NAT10: variants seen among roughly 807,000 people sequenced by gnomAD.
NAT10 encodes N-acetyltransferase 10.
In NAT10, 109 loss-of-function variants were observed where a neutral mutation model predicts 132.2. That is an observed-to-expected ratio of 0.82 (90% CI 0.71 to 0.97). NAT10 has a LOEUF of 0.97. Ranked by LOEUF, NAT10 falls within the 50% of genes least tolerant of loss-of-function variation. NAT10 has a pLI of 0.00. For missense variants in NAT10, 1,184 were observed against 1,263.4 expected (o/e 0.94, Z 0.95); for synonymous variants, 479 against 478.0 (o/e 1.00, Z -0.03).
chr11:34,139,400 T>G lies in NAT10; in HGVS notation c.2324T>G (p.Phe775Cys). The G allele has an allele frequency of 6.2e-7, 1 of 1,614,144 alleles. No individual in the cohort carries two copies. The highest frequency in any genetic ancestry group is 8.5e-7 in the Non-Finnish European group (1 of 1,180,016). Reference protein sequence around the residue: ...AAFWKDFRRRFLALLSYQFST... With the variant: ...AAFWKDFRRRCLALLSYQFST... ...CACCCCACAGATTTCCGACGGCGGT[T>G]CCTAGCCTTGCTCTCCTACCAGTTC... Residue 775 changes from phenylalanine to cysteine, a missense_variant, in exon 23 of 29, where the codon TTC becomes TGC. By Grantham distance (205) the Phe-to-Cys change is radical (BLOSUM62 -2). Transcript: ENST00000257829.
intron 8 of NAT10, among the ~76,000 whole-genome samples, chr11:34,120,221 TG>T (rs546898387): frequency 3.4e-4 from 51 of 152,052 alleles, no homozygotes; most frequent in African/African-American, 1.2e-3. Context: ...TGGCCTTTTT[TG>T]TATTGGTTCT....
In NAT10 at chr11:34,134,526, C is replaced by T. The variant is rs768282740; in HGVS notation, c.1851C>T (p.Asp617=). ...WTVSEQFQDP[D]FGGLSGGRVV... is the part of the protein sequence containing the mutation. ...CTCCCACACAGTTCCAAGATCCAGA[C>T]TTTGGTGGTCTGTCTGGTGGAAGGG... Residue 617 remains aspartate (D), a synonymous_variant, in exon 18 of 29, where the codon GAC becomes GAT. Transcript: ENST00000257829. The T allele has an allele frequency of 8.7e-6, 14 of 1,614,076 alleles. No individual in the cohort carries two copies. In the Admixed American group the frequency reaches 2.2e-4, roughly 25 times the overall value.
In NAT10 at chr11:34,108,778, G is replaced by A; in HGVS notation, c.145G>A (p.Val49Met). The change falls in exon 3 of 29, where the codon GTG (valine) becomes ATG (methionine). Residue 49 changes from valine to methionine, a missense_variant. Physicochemically the swap from Val to Met is conservative, Grantham distance 21. Transcript: ENST00000257829. ...ILHHMLSKAT[V>M]KARPSVLWCY... ...TCATCACATGTTATCCAAAGCAACT[G>A]TGAAGGCTCGGCCTTCAGTGCTGTG... 1 of 1,613,844 alleles carries A rather than the reference G, an allele frequency of 6.2e-7. No homozygotes were observed. Among genetic ancestry groups the A allele is most frequent in the Middle Eastern group, 1.7e-4 (1 of 6,056 alleles).
At chr11:34,123,584 G>A (rs1421657591) in intron 9 of NAT10, among the ~76,000 whole-genome samples, 178 bp from the exon 10 acceptor site, 3 of 152,240 alleles carry the variant, frequency 2.0e-5, no homozygotes, top group South Asian at 2.1e-4. Flanking sequence ...GATGTTGGTA[G>A]CTAAATGTCT....
Position 34,120,855 on chromosome 11 carries a change from C to A in NAT10, c.781-1604C>A, listed in dbSNP as rs183891493. On this transcript the variant is annotated intron_variant, in intron 8 of 28. Transcript: ENST00000257829. The stretch of plus-strand genomic sequence containing the variant: ...GGCGCTGTGGTTCTACATACAGGGG[C>A]AGGGGTGGCCTCATGTAGGAGGTGA... Among the ~76,000 whole-genome samples, 355 of 152,206 alleles carry A rather than the reference C, an allele frequency of 2.3e-3. 1 individual carries two copies. The highest frequency in any genetic ancestry group is 4.3e-3 in the Non-Finnish European group (290 of 67,982).
rs539840754 is a variant in NAT10, at chr11:34,141,456, G to A, written c.2712+248G>A. ...CACACACACACACACACACACGTGC[G>A]CGCGCAAATACAGGACTTCAGCTCT... On this transcript the variant is annotated intron_variant, in intron 25 of 28. Coordinates refer to ENST00000257829, the MANE Select transcript of NAT10 (RefSeq NM_024662.3). Among the ~76,000 whole-genome samples the A allele has an allele frequency of 1.9e-4, 28 of 148,386 alleles. No homozygotes were observed. In the East Asian group the frequency reaches 3.4e-3, roughly 18 times the overall value.
intron 8 of NAT10, among the ~76,000 whole-genome samples, chr11:34,120,315 A>G (rs1320911308): frequency 6.6e-6 from 1 of 152,152 alleles, no homozygotes; most frequent in Admixed American, 6.5e-5. Flanking sequence ...CTTCTATAAT[A>G]TAAAACAAAA....
In NAT10 at chr11:34,124,193, G is replaced by GT. The variant is rs1320450800; in HGVS notation, c.1009-108dup. The GT allele has an allele frequency of 5.4e-6, 4 of 737,878 alleles. No individual in the cohort carries two copies. The African/African-American group carries it at 7.2e-5, about 13-fold the overall frequency. The allele number at this position is 737,878 out of a possible 1,614,324, so 45.7% of individuals were successfully genotyped here. On this transcript the variant is annotated intron_variant, in intron 10 of 28. Coordinates refer to ENST00000257829, the MANE Select transcript of NAT10 (RefSeq NM_024662.3). The stretch of plus-strand genomic sequence containing the variant: ...AAAAAAGGATTTTTATTTTGATACA[G>GT]TGCTGGGTTTAAATCCAAGTGAAGT...
chr11:34,118,212 G>A lies in NAT10; in HGVS notation c.590G>A (p.Cys197Tyr), dbSNP rs369790702. Residue 197 changes from cysteine (C) to tyrosine (Y), a missense_variant, in exon 7 of 29, where the codon TGT (cysteine) becomes TAT (tyrosine). Physicochemically the swap from Cys to Tyr is radical, Grantham distance 194. Coordinates refer to ENST00000257829, the MANE Select transcript of NAT10 (RefSeq NM_024662.3). ...CTGTCTCTGGCCTCTTGTAAGAAGT[G>A]TCTCGTCATTGATGACCAGCTCAAC... ...FILSLASCKK[C>Y]LVIDDQLNIL... The A allele has an allele frequency of 7.4e-6, 12 of 1,614,062 alleles. No individual in the cohort carries two copies. Among genetic ancestry groups the A allele is most frequent in the South Asian group, 1.1e-5 (1 of 91,094 alleles).
intron 5 of NAT10, among the ~76,000 whole-genome samples, chr11:34,115,434 A>G (rs1008411220): frequency 6.6e-6 from 1 of 152,178 alleles, no homozygotes; most frequent in Non-Finnish European, 1.5e-5. Context: ...TATATTTCAT[A>G]TGTAGCATTT....
intron 11 of NAT10, among the ~76,000 whole-genome samples, chr11:34,127,185 A>G (rs765328708): frequency 6.6e-6 from 1 of 152,160 alleles, no homozygotes; most frequent in Non-Finnish European, 1.5e-5. Flanking sequence ...TAAGATAGGT[A>G]TTTCCTTCAT....
chr11:34,134,729 T>A, intron 18 of NAT10, 143 bp downstream of exon 18: 1 of 746,488 alleles, frequency 1.3e-6, no homozygotes, highest in East Asian at 2.6e-5. Context: ...TGAGCCAGGG[T>A]TCGGGGTGGG....
chr11:34,134,067 G>A (rs1022335842), intron 16 of NAT10, among the ~76,000 whole-genome samples: 5 of 152,090 alleles, frequency 3.3e-5, no homozygotes, highest in African/African-American at 7.2e-5. Flanking sequence ...GGGAGGCTGA[G>A]GCAGGAAAAT....
chr11:34,131,661 C>CTT, intron 14 of NAT10, 130 bp downstream of exon 14: 1 of 910,950 alleles, frequency 1.1e-6, no homozygotes, highest in Non-Finnish European at 1.5e-6. Context: ...TTTCAATTTC[C>CTT]TTTTTCTCTT....
In NAT10 at chr11:34,141,195, G is replaced by A. The variant is rs765389946; in HGVS notation, c.2699G>A (p.Arg900His). 1.2e-5 allele frequency: 19 copies of A among 1,613,772 alleles called. No homozygotes were observed. Among genetic ancestry groups the A allele is most frequent in the South Asian group, 3.3e-5 (3 of 91,062 alleles). Residue 900 changes from arginine to histidine, a missense_variant, in exon 25 of 29, where the codon CGC becomes CAC. Transcript: ENST00000257829. ...ATGGGACTTTTCAACCGGATCATCC[G>A]CAAAGTTGTGAAGGTAACCTCAGCC... ...QLMGLFNRII[R>H]KVVKLFNEVQ...
At position 34,121,131 on chromosome 11, in the gene NAT10, T is replaced by C. The variant is rs74754588; in HGVS notation, c.781-1328T>C. Among the ~76,000 whole-genome samples the C allele has an allele frequency of 6.1e-3, 933 of 152,230 alleles. 6 individuals carry two copies. Among genetic ancestry groups the C allele is most frequent in the African/African-American group, 0.021 (866 of 41,534 alleles). ...CTTACTCTATAACAGATGGGAGCAG[T>C]GGAGGCTTTTATGCCCATAGTCTCC... On this transcript the variant is annotated intron_variant, in intron 8 of 28. Transcript: ENST00000257829.
intron 6 of NAT10, among the ~76,000 whole-genome samples, chr11:34,117,700 G>A (rs1298988658): frequency 6.6e-6 from 1 of 152,114 alleles, no homozygotes; most frequent in Non-Finnish European, 1.5e-5. Context: ...AAGAACGTTT[G>A]TATTGTATTT....
In NAT10 at chr11:34,131,445, G is replaced by A; in HGVS notation, c.1434G>A (p.Glu478=). 1 of 1,614,182 alleles carries A rather than the reference G, an allele frequency of 6.2e-7. No homozygotes were observed. Among genetic ancestry groups the A allele is most frequent in the Non-Finnish European group, 8.5e-7 (1 of 1,180,038 alleles). Residue 478 remains glutamate (E), a synonymous_variant, in exon 14 of 29, where the codon GAG becomes GAA. Transcript: ENST00000257829. ...GATACGCCCCTGGGGATGCAGTGGAGAAGTGGCTGAATGACTTGCTGTGCC... is the reference window on the plus strand; with the variant it reads ...GATACGCCCCTGGGGATGCAGTGGAAAAGTGGCTGAATGACTTGCTGTGCC... The part of the protein sequence containing the change: ...SIRYAPGDAV[E]KWLNDLLCLD...
intron 28 of NAT10, among the ~76,000 whole-genome samples, chr11:34,145,700 A>ATATGT (rs140628129): frequency 0.016 from 2,490 of 152,250 alleles, 69 homozygotes; most frequent in African/African-American, 0.058. Context: ...ATTGGGATGA[A>ATATGT]TATGTCTAGT....
Sources: allele counts gnomAD v4.1 joint callset (sites outside exome capture counted in the v4.1 genomes callset), GRCh38; gene constraint gnomAD v4.1.1; transcripts MANE v1.5; gene names NCBI Gene and HGNC (gene_info 2026-07-23, HGNC 2026-07-21).